The following IP6K1 variants were observed in gnomAD, a reference collection of about 807,000 sequenced individuals.
IP6K1 encodes inositol hexakisphosphate kinase 1.
Under a neutral mutation model 38.3 loss-of-function variants are expected in IP6K1, and 13 were observed. That is an observed-to-expected ratio of 0.34 (90% CI 0.22 to 0.54). The LOEUF (loss-of-function observed/expected upper bound fraction) is 0.54. Ranked by LOEUF, IP6K1 falls within the 20% of genes least tolerant of loss-of-function variation. The pLI is 0.92. For synonymous variants in IP6K1, 212 were observed against 229.9 expected (o/e 0.92, Z 0.70); for missense variants, 397 against 599.8 (o/e 0.66, Z 3.53).
At chr3:49,770,075 G>A (rs528314066) in intron 1 of IP6K1, among the ~76,000 whole-genome samples, 14 of 152,040 alleles carry the variant, frequency 9.2e-5, no homozygotes, top group Non-Finnish European at 2.1e-4. Flanking sequence ...GGTGGTGCAT[G>A]CCTGTAGTTC....
At chr3:49,756,940 T>C (rs763689142) in intron 1 of IP6K1, among the ~76,000 whole-genome samples, 3 of 151,558 alleles carry the variant, frequency 2.0e-5, no homozygotes, top group African/African-American at 4.9e-5. Flanking sequence ...TGTGACAAAA[T>C]AGTACATGCG....
In IP6K1 at chr3:49,725,269, A is replaced by C. The variant is rs2080488151; in HGVS notation, c.*1853T>G. 6.6e-6 allele frequency: 1 copy of C among 152,612 alleles called. No homozygotes were observed. The highest frequency in any genetic ancestry group is 2.4e-5 in the African/African-American group (1 of 41,446). 9.5% of individuals were successfully genotyped at this position (152,612 alleles called of 1,614,324 possible). On this transcript the variant is annotated 3_prime_UTR_variant, in exon 6 of 6. Transcript: ENST00000321599. Reference sequence around the variant, plus strand: ...CACAGGACATCCCCAAAAGGTCCCAAACAGTTCCAGACCCTATGTCTTACC... The same window carrying C: ...CACAGGACATCCCCAAAAGGTCCCACACAGTTCCAGACCCTATGTCTTACC...
Position 49,738,349 on chromosome 3 carries a change from A to T in IP6K1, c.297T>A (p.Ser99Arg), listed in dbSNP as rs1427552055. Residue 99 changes from serine (S) to arginine (R), a missense_variant, in exon 3 of 6, where the codon AGT (serine) becomes AGA (arginine). By Grantham distance (110) the Ser-to-Arg change is moderately radical (BLOSUM62 -1). Around this residue, in one of 3 missense-constraint regions of IP6K1, gnomAD observed 171 missense variants for 237.0 expected, o/e 0.72. Coordinates refer to ENST00000321599, the MANE Select transcript of IP6K1 (RefSeq NM_153273.4). ...TTGTGTCATCCTGTTCCACAGTCTC[A>T]CTTTCCACATAAGGATAGGCCACTA... Reference protein sequence around the residue: ...INLVAYPYVESETVEQDDTTE... With the variant: ...INLVAYPYVERETVEQDDTTE... 3.7e-6 allele frequency: 6 copies of T among 1,613,890 alleles called. No homozygotes were observed. Among genetic ancestry groups the T allele is most frequent in the Non-Finnish European group, 5.1e-6 (6 of 1,179,900 alleles).
chr3:49,774,540 G>C (rs1199010049), intron 1 of IP6K1, among the ~76,000 whole-genome samples: 4 of 151,444 alleles, frequency 2.6e-5, no homozygotes, highest in Admixed American at 2.6e-4. Context: ...TGCCTTCAGA[G>C]AACTGAAAGT....
chr3:49,767,248 A>T (rs2080919852), intron 1 of IP6K1, among the ~76,000 whole-genome samples: 1 of 151,998 alleles, frequency 6.6e-6, no homozygotes, highest in Admixed American at 6.6e-5. Flanking sequence ...CACTCATTCC[A>T]GCCTGGGTGA....
chr3:49,743,973 C>T (rs920496615), intron 2 of IP6K1, among the ~76,000 whole-genome samples: 3 of 151,982 alleles, frequency 2.0e-5, no homozygotes, highest in Non-Finnish European at 4.4e-5. Flanking sequence ...GCACAATGCG[C>T]CACAATTATT....
At chr3:49,762,066 C>T (rs2080872729) in intron 1 of IP6K1, among the ~76,000 whole-genome samples, 1 of 152,178 alleles carries the variant, frequency 6.6e-6, no homozygotes, top group Non-Finnish European at 1.5e-5. Flanking sequence ...ATCCTCCCAG[C>T]TCAGCCCTGA....
chr3:49,761,353 G>A (rs905059621), intron 1 of IP6K1, among the ~76,000 whole-genome samples: 3 of 150,976 alleles, frequency 2.0e-5, no homozygotes, highest in Non-Finnish European at 2.9e-5. Flanking sequence ...CTGGCCGGGC[G>A]TGGTGGCTCA....
intron 4 of IP6K1, among the ~76,000 whole-genome samples, chr3:49,728,693 G>A (rs909116794): frequency 6.6e-6 from 1 of 151,426 alleles, no homozygotes; most frequent in African/African-American, 2.4e-5. Context: ...CTCCTGCCTC[G>A]GCTGCCTGAG....
At chr3:49,770,332 G>A (rs1253072749) in intron 1 of IP6K1, among the ~76,000 whole-genome samples, 2 of 152,170 alleles carry the variant, frequency 1.3e-5, no homozygotes, top group Non-Finnish European at 2.9e-5. Context: ...CTATGTGGGG[G>A]AAAAAGAAAC....
At chr3:49,731,886 T>TAAAAAAAAAAAAAAAAAAAAA (rs2080564783) in intron 4 of IP6K1, among the ~76,000 whole-genome samples, 1 of 21,384 alleles carries the variant, frequency 4.7e-5, no homozygotes, top group African/African-American at 1.2e-4. Flanking sequence ...AGACTCTGTC[T>TAAAAAAAAAAAAAAAAAAAAA]CAAAAAAAAA....
At chr3:49,734,921 A>T (rs2080594261) in intron 3 of IP6K1, among the ~76,000 whole-genome samples, 1 of 152,212 alleles carries the variant, frequency 6.6e-6, no homozygotes, top group Non-Finnish European at 1.5e-5. Context: ...TGGTCAGTAC[A>T]GGTAGAGCTG....
intron 1 of IP6K1, among the ~76,000 whole-genome samples, chr3:49,769,629 CCTT>C (rs1024314210): frequency 6.6e-6 from 1 of 152,196 alleles, no homozygotes; most frequent in African/African-American, 2.4e-5. Context: ...CCTCCTCTCT[CCTT>C]GAGTACAGGC....
At chr3:49,743,831 G>C (rs1454987016) in intron 2 of IP6K1, among the ~76,000 whole-genome samples, 1 of 151,658 alleles carries the variant, frequency 6.6e-6, no homozygotes, top group Admixed American at 6.6e-5. Context: ...TGTTGGCGAG[G>C]CTGGTCTCGA....
intron 2 of IP6K1, among the ~76,000 whole-genome samples, chr3:49,742,417 T>TG (rs2080677260): frequency 6.6e-6 from 1 of 151,986 alleles, no homozygotes; most frequent in Admixed American, 6.6e-5. Context: ...GGCGTGGTGG[T>TG]ACACGCCTGT....
chr3:49,745,462 C>G (rs148154010), intron 2 of IP6K1, among the ~76,000 whole-genome samples: 8 of 152,308 alleles, frequency 5.3e-5, no homozygotes, highest in African/African-American at 1.9e-4. Context: ...GTGGCTCACA[C>G]CTATAATCCC....
At chr3:49,763,243 A>C (rs2080882227) in intron 1 of IP6K1, among the ~76,000 whole-genome samples, 1 of 150,280 alleles carries the variant, frequency 6.7e-6, no homozygotes, top group African/African-American at 2.5e-5. Flanking sequence ...AGCTGGGACT[A>C]CAGGCGCCCG....
chr3:49,756,817 CAAAA>C (rs59808252), intron 1 of IP6K1, among the ~76,000 whole-genome samples: 49 of 133,264 alleles, frequency 3.7e-4, no homozygotes, highest in Middle Eastern at 7.8e-3. Flanking sequence ...AACTCCATCT[CAAAA>C]AAAAAAAAAA....
At chr3:49,743,236 CAAA>C (rs750641143) in intron 2 of IP6K1, among the ~76,000 whole-genome samples, 20,283 of 109,796 alleles carry the variant, frequency 0.18, 1,608 homozygotes, top group South Asian at 0.24. Context: ...AAAACAAAAA[CAAA>C]ATACACACAC....
Sources: allele counts gnomAD v4.1 joint callset (sites outside exome capture counted in the v4.1 genomes callset), GRCh38; gene constraint gnomAD v4.1.1; regional missense constraint gnomAD v4.1.1; transcripts MANE v1.5; gene names NCBI Gene and HGNC (gene_info 2026-07-23, HGNC 2026-07-21).